The following ANKRD7 variants were observed in gnomAD, a reference collection of about 807,000 sequenced individuals.
ANKRD7 encodes ankyrin repeat domain-containing protein 7.
In ANKRD7, 30 loss-of-function variants were observed where a neutral mutation model predicts 30.8. That is an observed-to-expected ratio of 0.97 (90% CI 0.73 to 1.32). The LOEUF (loss-of-function observed/expected upper bound fraction) is 1.32. Among genes scored for constraint, ANKRD7 ranks in the 40% most tolerant of loss-of-function variants. The pLI is 0.00. For synonymous variants in ANKRD7, 97 were observed against 106.6 expected, an observed-to-expected ratio of 0.91 and a Z score of 0.55; for missense variants, 264 against 295.7, an observed-to-expected ratio of 0.89 and a Z score of 0.79.
At chr7:118,228,163 C>T (rs1444495294) in intron 1 of ANKRD7, among the ~76,000 whole-genome samples, 3 of 152,146 alleles carry the variant, frequency 2.0e-5, no homozygotes, top group East Asian at 3.9e-4. Flanking sequence ...TCTTTTGAGA[C>T]TCTTTTGCTG....
chr7:118,227,575 T>C (rs1223572033), intron 1 of ANKRD7, among the ~76,000 whole-genome samples: 1 of 152,210 alleles, frequency 6.6e-6, no homozygotes, highest in Non-Finnish European at 1.5e-5. Context: ...GGAAGGGTAC[T>C]TCGGGGTTTC....
chr7:118,240,417 G>GT (rs1245309476), intron 6 of ANKRD7, among the ~76,000 whole-genome samples: 3 of 151,834 alleles, frequency 2.0e-5, no homozygotes, highest in Non-Finnish European at 4.4e-5. Context: ...GCGGTGTTTG[G>GT]TTTTTTGTTC....
intron 3 of ANKRD7, among the ~76,000 whole-genome samples, chr7:118,235,167 G>T (rs991947731): frequency 1.3e-5 from 2 of 151,874 alleles, no homozygotes; most frequent in Non-Finnish European, 2.9e-5. Context: ...CTTATAACTG[G>T]GTATTGATAA....
At chr7:118,237,528 A>C (rs373874496) in intron 5 of ANKRD7, among the ~76,000 whole-genome samples, 14 of 152,184 alleles carry the variant, frequency 9.2e-5, no homozygotes, top group Admixed American at 7.8e-4. Context: ...AATGAAGTTA[A>C]ATAACATACA....
At chr7:118,236,204 G>GTGAGTT in intron 4 of ANKRD7, 57 bp downstream of exon 4, 1 of 867,240 alleles carries the variant, frequency 1.2e-6, no homozygotes, top group Non-Finnish European at 1.8e-6. Flanking sequence ...GATTGTGTGT[G>GTGAGTT]TGCGTATGTG....
intron 1 of ANKRD7, among the ~76,000 whole-genome samples, chr7:118,225,999 C>CA (rs1809533660): frequency 6.6e-6 from 1 of 152,194 alleles, no homozygotes; most frequent in Non-Finnish European, 1.5e-5. Context: ...TGTCAAGTCA[C>CA]AAAGGTCCCT....
At chr7:118,238,828 A>G (rs1312033441) in intron 5 of ANKRD7, among the ~76,000 whole-genome samples, 1 of 152,090 alleles carries the variant, frequency 6.6e-6, no homozygotes, top group East Asian at 1.9e-4. Context: ...TTGTTAATTT[A>G]CTATTAAACC....
chr7:118,236,495 C>T (rs1302222543), intron 4 of ANKRD7, among the ~76,000 whole-genome samples: 1 of 152,102 alleles, frequency 6.6e-6, no homozygotes, highest in Non-Finnish European at 1.5e-5. Context: ...AGTCCCAAGA[C>T]ACATTCCTTC....
At chr7:118,239,883 G>A in intron 5 of ANKRD7, 26 bp from the exon 6 acceptor site, 2 of 1,468,192 alleles carry the variant, frequency 1.4e-6, no homozygotes, top group Non-Finnish European at 1.9e-6. Context: ...ATGCATGCTG[G>A]CATTCACACG....
chr7:118,236,771 T>C lies in ANKRD7; in HGVS notation c.576-19T>C, dbSNP rs1402740170. ...TTTAAGATCTTTACATGGGCATTCA[T>C]TTCTATCTCTTGCTCCAGAACAGCC... On this transcript the variant is annotated intron_variant, in intron 4 of 6. Transcript: ENST00000265224. The C allele has an allele frequency of 6.2e-7, 1 of 1,607,274 alleles. No homozygotes were observed. Among genetic ancestry groups the C allele is most frequent in the East Asian group, 2.2e-5 (1 of 44,752 alleles).
At chr7:118,235,444 C>T (rs947116269) in intron 3 of ANKRD7, among the ~76,000 whole-genome samples, 2 of 151,854 alleles carry the variant, frequency 1.3e-5, no homozygotes, top group African/African-American at 4.8e-5. Flanking sequence ...AACCCCGTCT[C>T]TACTAAAAAT....
intron 6 of ANKRD7, among the ~76,000 whole-genome samples, chr7:118,242,144 A>T (rs1330254607): frequency 2.6e-5 from 4 of 152,246 alleles, no homozygotes; most frequent in African/African-American, 9.6e-5. Flanking sequence ...AATTACCAAA[A>T]GATGTTGCAA....
In ANKRD7 at chr7:118,234,798, A is replaced by G; in HGVS notation, c.392A>G (p.Tyr131Cys). 6.2e-7 allele frequency: 1 copy of G among 1,612,876 alleles called. No homozygotes were observed. The highest frequency in any genetic ancestry group is 8.5e-7 in the Non-Finnish European group (1 of 1,179,672). ...ATTCGTTATAATACTGTTCTTCACTATGCTGTTTGTGGTCAAAGTTTGTCA... is the reference window on the plus strand; with the variant it reads ...ATTCGTTATAATACTGTTCTTCACTGTGCTGTTTGTGGTCAAAGTTTGTCA... ...RDIRYNTVLHYAVCGQSLSLV... is the reference protein window; with the variant it reads ...RDIRYNTVLHCAVCGQSLSLV... The change falls in exon 3 of 7, where the codon TAT becomes TGT. Residue 131 changes from tyrosine to cysteine, a missense_variant. By Grantham distance (194) the Tyr-to-Cys change is radical (BLOSUM62 -2). Transcript: ENST00000265224.
rs1333686939 is a variant in ANKRD7 at position 118,234,474 on chromosome 7, G to T, written c.223G>T (p.Val75Leu). The T allele has an allele frequency of 2.5e-6, 4 of 1,613,116 alleles. No homozygotes were observed. Among genetic ancestry groups the T allele is most frequent in the Admixed American group, 1.7e-5 (1 of 59,878 alleles). ...CTGTGCTAATGGACATACAGATGTT[G>T]TACTTTTCCTAATTGAGCAACAATG... ...LACANGHTDV[V>L]LFLIEQQCKI... Residue 75 changes from valine to leucine, a missense_variant, in exon 2 of 7, where the codon GTA becomes TTA. By Grantham distance (32) the Val-to-Leu change is conservative. Coordinates refer to ENST00000265224, the MANE Select transcript of ANKRD7 (RefSeq NM_019644.4).
intron 3 of ANKRD7, 139 bp downstream of exon 3, chr7:118,235,013 A>G (rs1197526081): frequency 7.4e-6 from 5 of 675,598 alleles, no homozygotes; most frequent in Non-Finnish European, 1.1e-5. Flanking sequence ...AAGAGAAGAG[A>G]TTATCAAAAA....
chr7:118,235,304 C>T (rs1206986702), intron 3 of ANKRD7, among the ~76,000 whole-genome samples: 2 of 151,908 alleles, frequency 1.3e-5, no homozygotes, highest in South Asian at 2.1e-4. Context: ...TATGAATAGC[C>T]GATGAATTTT....
Position 118,224,903 on chromosome 7 carries a change from G to T in ANKRD7, c.73G>T (p.Asp25Tyr), listed in dbSNP as rs948556640. The change falls in exon 1 of 7, where the codon GAT becomes TAT. Residue 25 changes from aspartate (D) to tyrosine (Y), a missense_variant. Transcript: ENST00000265224. ...RSQGYNLREK[D>Y]LKKLHRAASV... ...CCAGGGCTACAACCTTCGAGAAAAGGATTTAAAGAAACTTCACAGAGCTGC... is the reference window on the plus strand; with the variant it reads ...CCAGGGCTACAACCTTCGAGAAAAGTATTTAAAGAAACTTCACAGAGCTGC... The T allele has an allele frequency of 2.5e-6, 4 of 1,614,216 alleles. No individual in the cohort carries two copies. In the Admixed American group the frequency reaches 5.0e-5, roughly 20 times the overall value.
chr7:118,236,234 G>GTGTGTC (rs1809727880), intron 4 of ANKRD7, 87 bp downstream of exon 4: 10 of 758,876 alleles, frequency 1.3e-5, no homozygotes, highest in Non-Finnish European at 1.9e-5. Flanking sequence ...GTGTGTGTGT[G>GTGTGTC]TGTGTCCACA....
At chr7:118,242,278 T>G (rs977345130) in intron 6 of ANKRD7, 71 bp from the exon 7 acceptor site, 5 of 152,204 alleles carry the variant, frequency 3.3e-5, no homozygotes, top group African/African-American at 1.2e-4. Flanking sequence ...GCATATAATT[T>G]AAGAAATACA....
Sources: allele counts gnomAD v4.1 joint callset (sites outside exome capture counted in the v4.1 genomes callset), GRCh38; gene constraint gnomAD v4.1.1; transcripts MANE v1.5; gene names NCBI Gene and HGNC (gene_info 2026-07-23, HGNC 2026-07-21).